Variants in ADGRB3 observed in about 807,000 individuals in gnomAD.
ADGRB3 encodes the protein adhesion G protein-coupled receptor B3.
Under a neutral mutation model 193.4 loss-of-function variants are expected in ADGRB3, and 37 were observed. The ratio of observed to expected loss-of-function variants is 0.19; its 90% CI spans 0.15 to 0.25. The LOEUF (loss-of-function observed/expected upper bound fraction) is 0.25, where lower values mean the gene tolerates loss of function less well. Among genes scored for constraint, ADGRB3 ranks in the 10% least tolerant of loss-of-function variants. The pLI is 1.00. For missense variants in ADGRB3, 1,637 were observed against 1,852.9 expected, an observed-to-expected ratio of 0.88 and a Z score of 2.14; for synonymous variants, 690 against 644.2, an observed-to-expected ratio of 1.07 and a Z score of -1.08.
intron 3 of ADGRB3, among the ~76,000 whole-genome samples, chr6:68,666,494 C>T (rs1348026605): frequency 2.0e-5 from 3 of 151,684 alleles, no homozygotes; most frequent in Non-Finnish European, 4.4e-5. Flanking sequence ...TGTCCTAGTC[C>T]CCTCAGAAGA....
rs536726511 is a variant in ADGRB3 at position 69,330,723 on chromosome 6, T to C, written c.3102+151T>C. 11 of 509,388 alleles carry C rather than the reference T, an allele frequency of 2.2e-5. No homozygotes were observed. The East Asian group carries it at 2.2e-4, about 10-fold the overall frequency. 31.6% of individuals were successfully genotyped at this position (509,388 alleles called of 1,614,324 possible). On this transcript the variant is annotated intron_variant, in intron 23 of 31. Transcript: ENST00000370598. ...TATTCTAATTGAATATAAATTATTA[T>C]TCAGCCCTTTATTATTCTAAAATAT...
intron 17 of ADGRB3, among the ~76,000 whole-genome samples, chr6:69,196,085 T>G (rs1394634084): frequency 1.3e-5 from 2 of 152,194 alleles, no homozygotes; most frequent in African/African-American, 2.4e-5. Flanking sequence ...CATCTATTTC[T>G]TGTTCCACAA....
intron 3 of ADGRB3, among the ~76,000 whole-genome samples, chr6:68,655,315 GT>G (rs932136311): frequency 2.0e-5 from 3 of 151,314 alleles, no homozygotes; most frequent in African/African-American, 7.3e-5. Flanking sequence ...TTTTTTTGTT[GT>G]TTCTGTTTTC....
At chr6:69,351,978 G>A (rs1408880486) in intron 26 of ADGRB3, among the ~76,000 whole-genome samples, 1 of 152,142 alleles carries the variant, frequency 6.6e-6, no homozygotes, top group African/African-American at 2.4e-5. Flanking sequence ...CTCCCAGAAG[G>A]CACCATTGCT....
Position 69,173,963 on chromosome 6 carries a change from G to GTACAT in ADGRB3, c.2481-59327_2481-59326insTACAT, listed in dbSNP as rs1322539407. ...AAATCTTAACCAAGCTCTTCATGTA[G>GTACAT]AAAATACTTTAGCTAATAAGATGAA... On this transcript the variant is annotated intron_variant, in intron 17 of 31. Coordinates refer to ENST00000370598, the MANE Select transcript of ADGRB3 (RefSeq NM_001704.3). Among the ~76,000 whole-genome samples the GTACAT allele has an allele frequency of 3.3e-5, 5 of 152,290 alleles. No homozygotes were observed. The East Asian group carries it at 9.6e-4, about 29-fold the overall frequency.
At chr6:69,150,572 G>A (rs1341745227) in intron 17 of ADGRB3, among the ~76,000 whole-genome samples, 1 of 152,212 alleles carries the variant, frequency 6.6e-6, no homozygotes, top group Non-Finnish European at 1.5e-5. Context: ...TGGAACTGGG[G>A]ACCCCAAGAA....
chr6:68,996,370 T>C (rs538603163), intron 11 of ADGRB3, among the ~76,000 whole-genome samples: 1 of 152,280 alleles, frequency 6.6e-6, no homozygotes, highest in African/African-American at 2.4e-5. Flanking sequence ...CAATGTTATA[T>C]ACTGTGGTAC....
At chr6:68,722,913 A>T (rs969082310) in intron 3 of ADGRB3, among the ~76,000 whole-genome samples, 2 of 151,758 alleles carry the variant, frequency 1.3e-5, no homozygotes, top group African/African-American at 2.4e-5. Flanking sequence ...AGGCAAAAAA[A>T]TGAGAGGTTC....
intron 8 of ADGRB3, among the ~76,000 whole-genome samples, chr6:68,970,273 C>T (rs923461011): frequency 2.6e-5 from 4 of 151,234 alleles, no homozygotes; most frequent in Admixed American, 6.6e-5. Flanking sequence ...AGGCAGACTA[C>T]TTTTCTTTTC....
At chr6:68,751,958 A>C (rs528111198) in intron 3 of ADGRB3, among the ~76,000 whole-genome samples, 1 of 152,212 alleles carries the variant, frequency 6.6e-6, no homozygotes, top group South Asian at 2.1e-4. Context: ...TATTTCCTTT[A>C]ATTTTGTATC....
At chr6:69,261,320 T>C (rs770360757) in intron 20 of ADGRB3, among the ~76,000 whole-genome samples, 3 of 152,012 alleles carry the variant, frequency 2.0e-5, no homozygotes, top group Non-Finnish European at 4.4e-5. Flanking sequence ...GATTTGTAGG[T>C]TTTATAAGCA....
At chr6:68,646,487 A>AG (rs1481727538) in intron 3 of ADGRB3, among the ~76,000 whole-genome samples, 19 of 147,258 alleles carry the variant, frequency 1.3e-4, no homozygotes, top group Admixed American at 3.4e-4. Context: ...AAAAAAAAAA[A>AG]AAAAAAGAAA....
At chr6:69,225,276 A>C (rs1765985205) in intron 17 of ADGRB3, among the ~76,000 whole-genome samples, 1 of 152,120 alleles carries the variant, frequency 6.6e-6, no homozygotes, top group Non-Finnish European at 1.5e-5. Flanking sequence ...GGCCTCCTCC[A>C]TGCCCACCAT....
chr6:68,941,863 G>T (rs1027487361), intron 5 of ADGRB3, among the ~76,000 whole-genome samples: 13 of 150,590 alleles, frequency 8.6e-5, no homozygotes, highest in Non-Finnish European at 1.8e-4. Flanking sequence ...ATATATGTGG[G>T]TAGTATATGC....
intron 21 of ADGRB3, 98 bp downstream of exon 21, chr6:69,325,120 T>G: frequency 7.2e-7 from 1 of 1,387,992 alleles, no homozygotes; most frequent in Non-Finnish European, 9.7e-7. Flanking sequence ...CTACTTTGTG[T>G]CTAATTTAAT....
At chr6:69,334,140 T>G (rs1238689362) in intron 24 of ADGRB3, among the ~76,000 whole-genome samples, 1 of 152,044 alleles carries the variant, frequency 6.6e-6, no homozygotes, top group Non-Finnish European at 1.5e-5. Flanking sequence ...CTTTGTTTTT[T>G]CTTTGTGTCC....
At chr6:68,685,764 G>A (rs1448931369) in intron 3 of ADGRB3, among the ~76,000 whole-genome samples, 6 of 151,902 alleles carry the variant, frequency 3.9e-5, no homozygotes, top group Non-Finnish European at 8.8e-5. Context: ...ATGGTGGCAC[G>A]CGCCTGTAAT....
intron 11 of ADGRB3, among the ~76,000 whole-genome samples, chr6:68,996,635 C>T (rs1769391166): frequency 1.3e-5 from 2 of 152,120 alleles, no homozygotes; most frequent in East Asian, 3.9e-4. Flanking sequence ...TCTTTGCTTC[C>T]TCTGTGTTTT....
chr6:69,104,028 A>G (rs1432772852), intron 17 of ADGRB3, among the ~76,000 whole-genome samples: 2 of 152,006 alleles, frequency 1.3e-5, no homozygotes, highest in African/African-American at 2.4e-5. Context: ...ATTAAACTTT[A>G]GTTTTTAATT....
Sources: allele counts gnomAD v4.1 joint callset (sites outside exome capture counted in the v4.1 genomes callset), GRCh38; gene constraint gnomAD v4.1.1; transcripts MANE v1.5; gene names NCBI Gene and HGNC (gene_info 2026-07-23, HGNC 2026-07-21).